Variants in TMEM167A observed in about 807,000 individuals in gnomAD.
The protein encoded by TMEM167A is protein kish-A.
TMEM167A carries 8 observed loss-of-function variants against 11.6 expected under a neutral mutation model. The ratio of observed to expected loss-of-function variants is 0.69; its 90% CI spans 0.40 to 1.24. The LOEUF (loss-of-function observed/expected upper bound fraction) is 1.24. Among genes scored for constraint, TMEM167A ranks in the 50% most tolerant of loss-of-function variants. The probability of loss-of-function intolerance (pLI) is 0.01; values close to 1 mark genes in which losing one functional copy is unlikely to be tolerated. For synonymous variants in TMEM167A, 22 were observed against 28.0 expected (o/e 0.79, Z 0.67); for missense variants, 62 against 87.0 (o/e 0.71, Z 1.14).
rs138521424 is a variant in TMEM167A at position 83,075,412 on chromosome 5, T to G, written c.3+1909A>C. On this transcript the variant is annotated intron_variant, in intron 1 of 3. Coordinates refer to ENST00000502346, the MANE Select transcript of TMEM167A (RefSeq NM_174909.5). ...TACTGTTCATGCTGACAGTTGTAAA[T>G]TATTACTGCTGATAAACATTTTATC... Among the ~76,000 whole-genome samples, 195 of 152,328 alleles carry G rather than the reference T, an allele frequency of 1.3e-3. 1 individual carries two copies. The highest frequency in any genetic ancestry group is 2.1e-3 in the Non-Finnish European group (143 of 68,034).
chr5:83,075,678 G>C (rs988024481), intron 1 of TMEM167A, among the ~76,000 whole-genome samples: 18 of 151,896 alleles, frequency 1.2e-4, no homozygotes, highest in Admixed American at 8.5e-4. Flanking sequence ...CCAGGAAGCA[G>C]AGGTTGCAGT....
intron 1 of TMEM167A, among the ~76,000 whole-genome samples, chr5:83,075,875 G>A (rs1201879424): frequency 6.6e-6 from 1 of 152,110 alleles, no homozygotes; most frequent in Non-Finnish European, 1.5e-5. Flanking sequence ...TTCTTAAGCT[G>A]CTAAGTTAGC....
chr5:83,059,041 T>C (rs935862274), intron 3 of TMEM167A, among the ~76,000 whole-genome samples: 50 of 151,972 alleles, frequency 3.3e-4, no homozygotes, highest in African/African-American at 1.2e-3. Context: ...ATTTTCTAAG[T>C]CACTCTGCCA....
At position 83,061,051 on chromosome 5, in the gene TMEM167A, C is replaced by A. The variant is rs1413938396; in HGVS notation, c.148+826G>T. Among the ~76,000 whole-genome samples, 4 of 152,138 alleles carry A rather than the reference C, an allele frequency of 2.6e-5. No individual in the cohort carries two copies. The East Asian group carries it at 7.7e-4, about 29-fold the overall frequency. On this transcript the variant is annotated intron_variant, in intron 3 of 3. Coordinates refer to ENST00000502346, the MANE Select transcript of TMEM167A (RefSeq NM_174909.5). ...ACCACATCTACCTTAACTTTAATTG[C>A]TTCTTGGCCTTTTAGCTAAGATCAA...
intron 3 of TMEM167A, 24 bp from the exon 4 acceptor site, chr5:83,057,178 A>G: frequency 6.2e-7 from 1 of 1,606,838 alleles, no homozygotes; most frequent in Non-Finnish European, 8.5e-7. Context: ...GGAGATGTTC[A>G]TCTTGATTAA....
In TMEM167A at chr5:83,060,182, G is replaced by C. The variant is rs150596717; in HGVS notation, c.148+1695C>G. ...CCAAAATAAAACACAATACTCTAAA[G>C]GGAACACAGTTTATCTAATGGAGAT... On this transcript the variant is annotated intron_variant, in intron 3 of 3. Coordinates refer to ENST00000502346, the MANE Select transcript of TMEM167A (RefSeq NM_174909.5). Among the ~76,000 whole-genome samples the C allele has an allele frequency of 2.5e-3, 369 of 145,496 alleles. 4 individuals are homozygous for C. The highest frequency in any genetic ancestry group is 8.8e-3 in the African/African-American group (343 of 39,030).
rs1472220650 is a variant in TMEM167A at position 83,056,248 on chromosome 5, A to G, written c.*836T>C. The stretch of plus-strand genomic sequence containing the variant: ...ATACAGTTCCTTTACGGCAATTAAA[A>G]TAAATGTTTCATTTTTGAAGCCATG... On this transcript the variant is annotated 3_prime_UTR_variant, in exon 4 of 4. Transcript: ENST00000502346. The G allele has an allele frequency of 1.3e-5, 2 of 152,092 alleles. No homozygotes were observed. Among genetic ancestry groups the G allele is most frequent in the African/African-American group, 4.8e-5 (2 of 41,444 alleles). 9.4% of individuals were successfully genotyped at this position (152,092 alleles called of 1,614,324 possible).
rs1580171308 is a variant in TMEM167A, at chr5:83,054,735, C to G, written c.*2349G>C. 6.6e-6 allele frequency: 1 copy of G among 151,908 alleles called. No individual in the cohort carries two copies. Among genetic ancestry groups the G allele is most frequent in the African/African-American group, 2.4e-5 (1 of 41,378 alleles). 9.4% of individuals were successfully genotyped at this position (151,908 alleles called of 1,614,324 possible). On this transcript the variant is annotated 3_prime_UTR_variant, in exon 4 of 4. Transcript: ENST00000502346. The stretch of plus-strand genomic sequence containing the variant: ...GAGCAGGGAAAATAACTACTGGGTA[C>G]TAGGCTTAGCACCTGGGTGACAAAA...
chr5:83,067,256 A>C (rs1744496725), intron 1 of TMEM167A, among the ~76,000 whole-genome samples: 1 of 152,062 alleles, frequency 6.6e-6, no homozygotes. Context: ...AAACAAAAAA[A>C]TGGACACTAG....
At chr5:83,077,234 C>T in intron 1 of TMEM167A, 87 bp downstream of exon 1, 4 of 1,601,448 alleles carry the variant, frequency 2.5e-6, no homozygotes, top group Admixed American at 1.7e-5. Context: ...CCCACACACC[C>T]CGGGCTGCCG....
intron 2 of TMEM167A, among the ~76,000 whole-genome samples, chr5:83,063,068 A>C (rs1218233430): frequency 6.6e-6 from 1 of 152,102 alleles, no homozygotes; most frequent in Non-Finnish European, 1.5e-5. Flanking sequence ...GATTAAATGG[A>C]ATTAAGCAAA....
At chr5:83,061,817 C>G (rs1026344632) in intron 3 of TMEM167A, 60 bp downstream of exon 3, 1 of 1,454,950 alleles carries the variant, frequency 6.9e-7, no homozygotes, top group Non-Finnish European at 9.6e-7. Context: ...AGATTATAAC[C>G]TAAGTAAATT....
chr5:83,067,681 T>A (rs962260845), intron 1 of TMEM167A, among the ~76,000 whole-genome samples: 1 of 146,842 alleles, frequency 6.8e-6, no homozygotes, highest in African/African-American at 2.5e-5. Flanking sequence ...AATTTTGTAT[T>A]TTTTTTTTTT....
chr5:83,060,387 A>G (rs567162636), intron 3 of TMEM167A, among the ~76,000 whole-genome samples: 1 of 152,290 alleles, frequency 6.6e-6, no homozygotes, highest in South Asian at 2.1e-4. Context: ...GTACTAAACA[A>G]AAGAATTTTT....
At chr5:83,075,292 A>T (rs1017948553) in intron 1 of TMEM167A, among the ~76,000 whole-genome samples, 2 of 152,212 alleles carry the variant, frequency 1.3e-5, no homozygotes, top group South Asian at 4.1e-4. Context: ...TTGGAAAGAG[A>T]TGAGACATGA....
chr5:83,061,402 A>G (rs1260269649), intron 3 of TMEM167A, among the ~76,000 whole-genome samples: 2 of 150,928 alleles, frequency 1.3e-5, no homozygotes, highest in Non-Finnish European at 3.0e-5. Flanking sequence ...TAGCCACCAA[A>G]TCTAGTTTTA....
chr5:83,070,889 G>C lies in TMEM167A; in HGVS notation c.4-5772C>G, dbSNP rs1561304592. On this transcript the variant is annotated intron_variant, in intron 1 of 3. Coordinates refer to ENST00000502346, the MANE Select transcript of TMEM167A (RefSeq NM_174909.5). ...AATACTTCTAAGTCTAAGAGCTCAA[G>C]GTATTTATTAACAAAACTTTCAAAT... Among the ~76,000 whole-genome samples the C allele has an allele frequency of 1.1e-4, 17 of 151,590 alleles. No individual in the cohort carries two copies. In the South Asian group the frequency reaches 3.5e-3, roughly 31 times the overall value.
At chr5:83,062,951 A>G (rs1016780773) in intron 2 of TMEM167A, among the ~76,000 whole-genome samples, 1 of 151,428 alleles carries the variant, frequency 6.6e-6, no homozygotes, top group African/African-American at 2.4e-5. Flanking sequence ...AGTTCTATAT[A>G]TGTTCCTCCT....
chr5:83,066,028 C>G (rs1346743366), intron 1 of TMEM167A, among the ~76,000 whole-genome samples: 2 of 152,028 alleles, frequency 1.3e-5, no homozygotes, highest in Non-Finnish European at 2.9e-5. Context: ...TTATAATATT[C>G]ATTTCTGAAG....
Sources: gnomAD v4.1 joint callset for allele counts (sites outside exome capture counted in the v4.1 genomes callset) on GRCh38, gnomAD v4.1.1 for gene constraint, MANE v1.5 for transcripts, NCBI Gene and HGNC (gene_info 2026-07-23, HGNC 2026-07-21) for gene names.